Variants in ZNF277 observed in about 807,000 individuals in gnomAD.
ZNF277 encodes the protein nuclear receptor-interacting factor 4.
In ZNF277, 55 loss-of-function variants were observed where a neutral mutation model predicts 60.7. The ratio of observed to expected loss-of-function variants is 0.91; its 90% CI spans 0.73 to 1.13. The LOEUF (loss-of-function observed/expected upper bound fraction) is 1.13. ZNF277 is among the 50% of genes most tolerant of loss of function. The pLI is 0.00. For synonymous variants in ZNF277, 178 were observed against 179.3 expected (o/e 0.99, Z 0.06); for missense variants, 510 against 523.0 (o/e 0.98, Z 0.24).
chr7:112,254,989 C>CAAACA (rs911308025), intron 1 of ZNF277, among the ~76,000 whole-genome samples: 1 of 151,820 alleles, frequency 6.6e-6, no homozygotes, highest in Non-Finnish European at 1.5e-5. Flanking sequence ...ACAAAACAAA[C>CAAACA]AAACAAACAA....
intron 1 of ZNF277, among the ~76,000 whole-genome samples, chr7:112,241,672 A>G (rs1308647563): frequency 1.3e-5 from 2 of 152,194 alleles, no homozygotes; most frequent in Non-Finnish European, 2.9e-5. Context: ...CTATTCAGCC[A>G]TAAAAAGAAT....
intron 11 of ZNF277, among the ~76,000 whole-genome samples, chr7:112,341,622 G>A (rs1257840424): frequency 6.6e-6 from 1 of 152,180 alleles, no homozygotes; most frequent in African/African-American, 2.4e-5. Context: ...AAATTAAGCA[G>A]TTGGTCATCT....
chr7:112,292,014 C>A (rs1219154232), intron 2 of ZNF277, among the ~76,000 whole-genome samples: 2 of 152,044 alleles, frequency 1.3e-5, no homozygotes, highest in African/African-American at 4.8e-5. Context: ...CCTCTTGGAC[C>A]AACCTATTAC....
intron 1 of ZNF277, among the ~76,000 whole-genome samples, chr7:112,226,625 C>G (rs1434478606): frequency 6.6e-6 from 1 of 152,146 alleles, no homozygotes; most frequent in African/African-American, 2.4e-5. Context: ...CTTATTAAGT[C>G]AGGTAACCGT....
chr7:112,210,414 G>A (rs983155428), intron 1 of ZNF277, among the ~76,000 whole-genome samples: 4 of 151,528 alleles, frequency 2.6e-5, no homozygotes, highest in African/African-American at 9.7e-5. Context: ...CTCCAAGAAA[G>A]TCCCCACATT....
intron 1 of ZNF277, among the ~76,000 whole-genome samples, chr7:112,229,471 A>G (rs1822266063): frequency 6.6e-6 from 1 of 152,226 alleles, no homozygotes; most frequent in Non-Finnish European, 1.5e-5. Flanking sequence ...TAACCAACTT[A>G]TAAGAAACTG....
At chr7:112,317,838 A>G (rs1398767027) in intron 4 of ZNF277, among the ~76,000 whole-genome samples, 2 of 152,132 alleles carry the variant, frequency 1.3e-5, no homozygotes, top group Non-Finnish European at 2.9e-5. Context: ...TTACAAATCA[A>G]ACTGAGAATT....
At chr7:112,214,551 T>G (rs1337502465) in intron 1 of ZNF277, among the ~76,000 whole-genome samples, 1 of 152,326 alleles carries the variant, frequency 6.6e-6, no homozygotes, top group East Asian at 1.9e-4. Flanking sequence ...CTTCTGTTTT[T>G]CTTTACTTCT....
intron 1 of ZNF277, among the ~76,000 whole-genome samples, chr7:112,255,753 C>T (rs1187278815): frequency 6.6e-6 from 1 of 152,178 alleles, no homozygotes; most frequent in Non-Finnish European, 1.5e-5. Flanking sequence ...CAATTGCTTC[C>T]TTATTGGAGT....
intron 1 of ZNF277, among the ~76,000 whole-genome samples, chr7:112,257,310 G>A (rs1791337567): frequency 6.6e-6 from 1 of 152,166 alleles, no homozygotes; most frequent in South Asian, 2.1e-4. Context: ...AGAACCAGAA[G>A]AATAAGCAAA....
chr7:112,284,062 A>G (rs1258489871), intron 1 of ZNF277, among the ~76,000 whole-genome samples: 1 of 152,234 alleles, frequency 6.6e-6, no homozygotes, highest in African/African-American at 2.4e-5. Context: ...ACTGACTAAC[A>G]TTGTGACTTT....
chr7:112,327,392 G>A (rs77722191), intron 5 of ZNF277, among the ~76,000 whole-genome samples: 1,580 of 152,174 alleles, frequency 0.01, 18 homozygotes, highest in African/African-American at 0.033. Flanking sequence ...TCACTTTCCC[G>A]CCTCTCACCT....
intron 4 of ZNF277, among the ~76,000 whole-genome samples, chr7:112,305,119 C>A (rs753922515): frequency 2.6e-5 from 4 of 152,182 alleles, no homozygotes; most frequent in Admixed American, 6.5e-5. Flanking sequence ...GAGCTGGGCC[C>A]AGTGGCTCAT....
rs749641718 is a variant in ZNF277, at chr7:112,286,844, T to TTTTTTTC, written c.92-23_92-22insCTTTTTT. On this transcript the variant is annotated intron_variant, in intron 1 of 11. Coordinates refer to ENST00000361822, the MANE Select transcript of ZNF277 (RefSeq NM_021994.3). ...TGGTTTCAGCTTTTCTTTCTTTCTT[T>TTTTTTTC]TTTTTTTTTTTTTTTTGGTCTATTC... The TTTTTTTC allele has an allele frequency of 5.0e-5, 31 of 617,288 alleles. No individual in the cohort carries two copies. In the African/African-American group the frequency reaches 5.7e-4, roughly 11 times the overall value. The allele number at this position is 617,288 out of a possible 1,614,324, so 38.2% of individuals were successfully genotyped here.
At chr7:112,319,395 T>C (rs1301023928) in intron 5 of ZNF277, among the ~76,000 whole-genome samples, 1 of 152,024 alleles carries the variant, frequency 6.6e-6, no homozygotes, top group Non-Finnish European at 1.5e-5. Context: ...ACACATTTAT[T>C]ATTACGCATC....
chr7:112,294,028 ATCT>A, intron 2 of ZNF277, among the ~76,000 whole-genome samples: 1 of 152,242 alleles, frequency 6.6e-6, no homozygotes, highest in Non-Finnish European at 1.5e-5. Context: ...GGAATAATCC[ATCT>A]TCTGTTCTAA....
At chr7:112,320,874 T>C (rs927053675) in intron 5 of ZNF277, among the ~76,000 whole-genome samples, 2 of 151,568 alleles carry the variant, frequency 1.3e-5, no homozygotes, top group Non-Finnish European at 2.9e-5. Flanking sequence ...TTGTGTTGAA[T>C]AGGTATTTTC....
intron 1 of ZNF277, among the ~76,000 whole-genome samples, chr7:112,241,693 C>A (rs1790958377): frequency 1.3e-5 from 2 of 152,104 alleles, no homozygotes; most frequent in South Asian, 4.1e-4. Context: ...GAGATCCTGT[C>A]ATTTGCAACA....
chr7:112,226,019 T>G (rs757881733), intron 1 of ZNF277, among the ~76,000 whole-genome samples: 9 of 152,342 alleles, frequency 5.9e-5, no homozygotes, highest in South Asian at 2.1e-4. Flanking sequence ...GTTTCCCAAA[T>G]AGTTGACTAT....
Sources: gnomAD v4.1 joint callset for allele counts (sites outside exome capture counted in the v4.1 genomes callset) on GRCh38, gnomAD v4.1.1 for gene constraint, MANE v1.5 for transcripts, NCBI Gene and HGNC (gene_info 2026-07-23, HGNC 2026-07-21) for gene names.